LUZP2: variants seen among roughly 807,000 people sequenced by gnomAD.
The protein encoded by LUZP2 is leucine zipper protein 2.
In LUZP2, 52 loss-of-function variants were observed where a neutral mutation model predicts 51.6. The observed-to-expected ratio is 1.01, with a 90% CI of 0.81 to 1.27. The LOEUF is 1.27. Ranked by LOEUF, LUZP2 falls within the 50% of genes most tolerant of loss-of-function variation. LUZP2 has a pLI of 0.00. For synonymous variants in LUZP2, 154 were observed against 137.3 expected (o/e 1.12, Z -0.85); for missense variants, 436 against 395.4 (o/e 1.10, Z -0.87).
rs1554964353 is a variant in LUZP2, at chr11:25,081,029, A to ATTTTGTTTTT, written c.*2375_*2376insGTTTTTTTTT. ...ATCAAGTGGGCTTTGGATCCATATG[A>ATTTTGTTTTT]TTTTTTTTTTTTTTTTTTTTTGAGA... On this transcript the variant is annotated 3_prime_UTR_variant, in exon 12 of 12. Transcript: ENST00000336930. 4.0e-5 allele frequency: 4 copies of ATTTTGTTTTT among 100,706 alleles called. No individual in the cohort carries two copies. Among genetic ancestry groups the ATTTTGTTTTT allele is most frequent in the African/African-American group, 1.5e-4 (4 of 26,512 alleles). The allele number at this position is 100,706 out of a possible 1,614,324, so 6.2% of individuals were successfully genotyped here.
chr11:24,739,884 G>A (rs1379232838), intron 4 of LUZP2, among the ~76,000 whole-genome samples: 1 of 152,040 alleles, frequency 6.6e-6, no homozygotes, highest in South Asian at 2.1e-4. Context: ...CTATGCCACG[G>A]CAACTCTCAC....
intron 7 of LUZP2, among the ~76,000 whole-genome samples, chr11:24,943,080 A>T (rs1041232969): frequency 2.0e-5 from 3 of 152,220 alleles, no homozygotes; most frequent in African/African-American, 7.2e-5. Flanking sequence ...TGAGAAGTCC[A>T]TATAAAGCTC....
intron 1 of LUZP2, among the ~76,000 whole-genome samples, chr11:24,727,636 A>G (rs1391189842): frequency 6.6e-6 from 1 of 152,068 alleles, no homozygotes. Context: ...GGAAGGAAAT[A>G]AAAACATGCC....
At chr11:24,854,841 C>T (rs1267014479) in intron 5 of LUZP2, among the ~76,000 whole-genome samples, 1 of 152,108 alleles carries the variant, frequency 6.6e-6, no homozygotes. Flanking sequence ...ATGCACTGTT[C>T]CTCATGGCAC....
At chr11:25,016,122 G>A (rs1191495921) in intron 9 of LUZP2, among the ~76,000 whole-genome samples, 2 of 151,662 alleles carry the variant, frequency 1.3e-5, no homozygotes, top group Non-Finnish European at 2.9e-5. Context: ...GGGTTTCATG[G>A]TGTTAGCCAG....
At chr11:24,884,050 T>C (rs10767268) in intron 5 of LUZP2, among the ~76,000 whole-genome samples, 73,876 of 151,818 alleles carry the variant, frequency 0.49, 18,432 homozygotes, top group East Asian at 0.69. Context: ...CTGGGAAGAT[T>C]GGGGTGAGAA....
chr11:25,044,191 A>G (rs901530348), intron 9 of LUZP2, among the ~76,000 whole-genome samples: 9 of 134,152 alleles, frequency 6.7e-5, no homozygotes, highest in Non-Finnish European at 1.3e-4. Context: ...ACACACATAT[A>G]TATGCATATA....
At chr11:24,646,555 G>A (rs1339206650) in intron 1 of LUZP2, 1 of 982,588 alleles carries the variant, frequency 1.0e-6, no homozygotes, top group African/African-American at 1.7e-5. Context: ...CAAGATGACT[G>A]CTTCTGCTGG....
intron 1 of LUZP2, among the ~76,000 whole-genome samples, chr11:24,547,381 C>T (rs541783750): frequency 8.6e-5 from 13 of 152,032 alleles, no homozygotes; most frequent in East Asian, 5.8e-4. Flanking sequence ...CATAGACCAA[C>T]GGAACAGGTT....
chr11:25,044,118 T>G, intron 9 of LUZP2, among the ~76,000 whole-genome samples: 1 of 144,216 alleles, frequency 6.9e-6, no homozygotes, highest in African/African-American at 2.5e-5. Flanking sequence ...ACTATATATA[T>G]CAGATACATA....
rs1849247475 is a variant in LUZP2, at chr11:24,786,433, G to T, written c.396+23125G>T. On this transcript the variant is annotated intron_variant, in intron 5 of 11. Coordinates refer to ENST00000336930, the MANE Select transcript of LUZP2 (RefSeq NM_001009909.4). The stretch of plus-strand genomic sequence containing the variant: ...TTAGTATACATATGCAATTTTTCAT[G>T]GTACCAAAAATTCTGCGTAAATATC... 3.1e-6 allele frequency: 3 copies of T among 982,040 alleles called. No homozygotes were observed. The South Asian group carries it at 1.4e-4, about 46-fold the overall frequency. The allele number at this position is 982,040 out of a possible 1,614,324, so 60.8% of individuals were successfully genotyped here. A position where few individuals can be genotyped will look rare whatever the true frequency, so the allele number is the denominator to read the frequency against.
intron 1 of LUZP2, among the ~76,000 whole-genome samples, chr11:24,671,218 G>T (rs938476808): frequency 1.3e-5 from 2 of 151,762 alleles, no homozygotes; most frequent in Admixed American, 6.6e-5. Flanking sequence ...TTCTATATCT[G>T]TGTAGATATT....
intron 9 of LUZP2, among the ~76,000 whole-genome samples, chr11:25,025,329 C>CA (rs1857459515): frequency 6.6e-6 from 1 of 152,164 alleles, no homozygotes; most frequent in South Asian, 2.1e-4. Context: ...TTCTGCACAG[C>CA]AAAAGAAACT....
intron 5 of LUZP2, among the ~76,000 whole-genome samples, chr11:24,901,237 A>G (rs546944679): frequency 5.9e-5 from 9 of 152,086 alleles, no homozygotes; most frequent in Non-Finnish European, 1.3e-4. Context: ...CTGAGGCCAG[A>G]TGCTTCATAT....
chr11:24,999,545 A>C (rs1856615898), intron 9 of LUZP2, among the ~76,000 whole-genome samples: 1 of 151,572 alleles, frequency 6.6e-6, no homozygotes, highest in Non-Finnish European at 1.5e-5. Context: ...GAGTGGTAAC[A>C]CTCCTTTTAG....
Position 24,826,190 on chromosome 11 carries a change from A to AAAAATATATATATAT in LUZP2, c.396+62883_396+62884insAAATATATATATATA, listed in dbSNP as rs1215786412. Among the ~76,000 whole-genome samples, 180 of 67,502 alleles carry AAAAATATATATATAT rather than the reference A, an allele frequency of 2.7e-3. 3 individuals carry two copies. Among genetic ancestry groups the AAAAATATATATATAT allele is most frequent in the East Asian group, 5.1e-3 (9 of 1,768 alleles). 44.3% of individuals were successfully genotyped at this position (67,502 alleles called of 152,430 possible). The stretch of plus-strand genomic sequence containing the variant: ...GACTCCATCTCAAAAAAAAAAAAAA[A>AAAAATATATATATAT]ATATATATATATATATATAGTAAAA... On this transcript the variant is annotated intron_variant, in intron 5 of 11. Transcript: ENST00000336930.
intron 5 of LUZP2, among the ~76,000 whole-genome samples, chr11:24,848,893 T>C (rs1215695667): frequency 6.6e-6 from 1 of 152,008 alleles, no homozygotes; most frequent in Non-Finnish European, 1.5e-5. Context: ...TATAGGAGCA[T>C]AGGAGCATAC....
Position 24,571,649 on chromosome 11 carries a change from C to A in LUZP2, c.62+74344C>A, listed in dbSNP as rs1267568315. ...TAGGTAATTTGGTGTATGGAAAAAG[C>A]AACATGGTCAAATGACTTAATCGCT... is the stretch of plus-strand genomic sequence containing the variant. On this transcript the variant is annotated intron_variant, in intron 1 of 11. Transcript: ENST00000336930. Among the ~76,000 whole-genome samples, 3 of 151,986 alleles carry A rather than the reference C, an allele frequency of 2.0e-5. No homozygotes were observed. The East Asian group carries it at 5.8e-4, about 29-fold the overall frequency.
At chr11:24,501,454 G>A (rs1411860909) in intron 1 of LUZP2, among the ~76,000 whole-genome samples, 1 of 152,160 alleles carries the variant, frequency 6.6e-6, no homozygotes, top group Non-Finnish European at 1.5e-5. Context: ...AAACCAATGA[G>A]GAATGCGTGG....
Sources: gnomAD v4.1 joint callset for allele counts (sites outside exome capture counted in the v4.1 genomes callset) on GRCh38, gnomAD v4.1.1 for gene constraint, MANE v1.5 for transcripts, NCBI Gene and HGNC (gene_info 2026-07-23, HGNC 2026-07-21) for gene names.